BTAF1: variants seen among roughly 807,000 people sequenced by gnomAD.
BTAF1 encodes TATA-binding protein-associated factor 172.
In BTAF1, 38 loss-of-function variants were observed where a neutral mutation model predicts 227.1. The ratio of observed to expected loss-of-function variants is 0.17; its 90% CI spans 0.13 to 0.22. The LOEUF is 0.22. Ranked by LOEUF, BTAF1 falls within the 10% of genes least tolerant of loss-of-function variation. BTAF1 has a pLI of 1.00. For synonymous variants in BTAF1, 742 were observed against 751.9 expected (o/e 0.99, Z 0.21); for missense variants, 1,598 against 2,204.0 (o/e 0.73, Z 5.51).
chr10:91,975,039 A>C (rs1452848229), intron 14 of BTAF1, among the ~76,000 whole-genome samples: 2 of 152,168 alleles, frequency 1.3e-5, no homozygotes, highest in Non-Finnish European at 2.9e-5. Context: ...TATATCTATC[A>C]GTGAACTACT....
chr10:91,989,874 T>C (rs1408594205), intron 20 of BTAF1, among the ~76,000 whole-genome samples: 6 of 152,326 alleles, frequency 3.9e-5, no homozygotes, highest in Admixed American at 3.9e-4. Flanking sequence ...AAAACCATCA[T>C]TATATGGTTT....
At chr10:91,987,503 A>C (rs2792026) in intron 19 of BTAF1, among the ~76,000 whole-genome samples, 3 of 151,804 alleles carry the variant, frequency 2.0e-5, no homozygotes, top group Non-Finnish European at 2.9e-5. Flanking sequence ...AGAAAGTCTC[A>C]TGTTTAATCT....
At chr10:91,954,246 G>T (rs1400682596) in intron 6 of BTAF1, among the ~76,000 whole-genome samples, 2 of 152,152 alleles carry the variant, frequency 1.3e-5, no homozygotes, top group African/African-American at 4.8e-5. Context: ...GATAGAGAAT[G>T]AAATCAGAGA....
chr10:91,991,799 A>G (rs1330818938), intron 20 of BTAF1, among the ~76,000 whole-genome samples: 65 of 5,108 alleles, frequency 0.013, no homozygotes, highest in Middle Eastern at 0.17. Context: ...GTGTGTGTGT[A>G]TATATATATA....
At chr10:91,925,968 G>A (rs886647348) in intron 1 of BTAF1, among the ~76,000 whole-genome samples, 2 of 152,082 alleles carry the variant, frequency 1.3e-5, no homozygotes, top group African/African-American at 4.8e-5. Context: ...AGCCTGTCAT[G>A]TTTTTATGGA....
At position 92,029,255 on chromosome 10, in the gene BTAF1, A is replaced by G. The variant is rs898034330; in HGVS notation, c.*322A>G. 1 of 182,064 alleles carries G rather than the reference A, an allele frequency of 5.5e-6. No individual in the cohort carries two copies. Among genetic ancestry groups the G allele is most frequent in the Admixed American group, 6.2e-5 (1 of 16,138 alleles). 11.3% of individuals were successfully genotyped at this position (182,064 alleles called of 1,614,324 possible). A position where few individuals can be genotyped will look rare whatever the true frequency, so the allele number is the denominator to read the frequency against. On this transcript the variant is annotated 3_prime_UTR_variant, in exon 38 of 38. Transcript: ENST00000265990. ...GGCCTCCTATCTTTAGTCACTTTGTACAGGATGATATCCATGAGTACTTTA... is the reference window on the plus strand; with the variant it reads ...GGCCTCCTATCTTTAGTCACTTTGTGCAGGATGATATCCATGAGTACTTTA...
At chr10:91,942,314 G>GTGTGTT in intron 3 of BTAF1, 108 bp from the exon 4 acceptor site, 1 of 822,920 alleles carries the variant, frequency 1.2e-6, no homozygotes, top group South Asian at 1.7e-5. Flanking sequence ...GTGTGTGTGT[G>GTGTGTT]TGTGTGTGTG....
At chr10:91,926,263 A>G (rs1843821677) in intron 1 of BTAF1, among the ~76,000 whole-genome samples, 1 of 152,256 alleles carries the variant, frequency 6.6e-6, no homozygotes, top group Non-Finnish European at 1.5e-5. Flanking sequence ...TGCTAAAATC[A>G]AATCTAAAAT....
chr10:92,009,564 A>AG (rs1436855979), intron 28 of BTAF1, among the ~76,000 whole-genome samples: 4 of 152,168 alleles, frequency 2.6e-5, no homozygotes, highest in African/African-American at 9.7e-5. Context: ...AGCCATGTGC[A>AG]GGGGAATATT....
chr10:92,009,942 C>T (rs1392198509), intron 28 of BTAF1, among the ~76,000 whole-genome samples: 3 of 152,164 alleles, frequency 2.0e-5, no homozygotes, highest in Admixed American at 2.0e-4. Flanking sequence ...ATTTGCTGTA[C>T]TCCTGTGTTA....
chr10:91,993,736 G>A lies in BTAF1; in HGVS notation c.3088G>A (p.Ala1030Thr). 6.3e-7 allele frequency: 1 copy of A among 1,592,608 alleles called. No individual in the cohort carries two copies. The highest frequency in any genetic ancestry group is 8.6e-7 in the Non-Finnish European group (1 of 1,167,170). ...GGTACAACGGAGAGGAGCTGAATTT[G>A]CTTTGACAACTATAGTAAAGCATTT... Reference protein sequence around the residue: ...YLVQRRGAEFALTTIVKHFGG... With the variant: ...YLVQRRGAEFTLTTIVKHFGG... The change falls in exon 22 of 38, where the codon GCT becomes ACT. Residue 1030 changes from alanine (A) to threonine (T), a missense_variant. Transcript: ENST00000265990.
In BTAF1 at chr10:92,009,193, C is replaced by A; in HGVS notation, c.4088C>A (p.Pro1363His). The change falls in exon 28 of 38, where the codon CCC (proline) becomes CAC (histidine). Residue 1363 changes from proline (P) to histidine (H), a missense_variant. By Grantham distance (77) the Pro-to-His change is moderately conservative. Transcript: ENST00000265990. ...AACCCGTTGCATTACACTGGACCTCCCACTGAAAGAATAAGGTAAGAGTTG... is the reference window on the plus strand; with the variant it reads ...AACCCGTTGCATTACACTGGACCTCACACTGAAAGAATAAGGTAAGAGTTG... ...YLNPLHYTGP[P>H]TERIRLQHQV... 1 of 1,613,738 alleles carries A rather than the reference C, an allele frequency of 6.2e-7. No individual in the cohort carries two copies. Among genetic ancestry groups the A allele is most frequent in the South Asian group, 1.1e-5 (1 of 90,986 alleles).
At chr10:91,931,846 A>G (rs1298821847) in intron 1 of BTAF1, among the ~76,000 whole-genome samples, 1 of 152,202 alleles carries the variant, frequency 6.6e-6, no homozygotes, top group Admixed American at 6.5e-5. Context: ...TGAAGAGAGG[A>G]ATGGAGAACT....
chr10:91,982,381 T>G, intron 17 of BTAF1, 156 bp downstream of exon 17: 1 of 1,072,940 alleles, frequency 9.3e-7, no homozygotes, highest in Non-Finnish European at 1.3e-6. Flanking sequence ...AAGCAAATAC[T>G]TCTAATTATT....
intron 4 of BTAF1, among the ~76,000 whole-genome samples, chr10:91,950,181 A>G (rs1426172601): frequency 7.0e-6 from 1 of 143,500 alleles, no homozygotes; most frequent in Non-Finnish European, 1.5e-5. Context: ...TAGGTTTTTA[A>G]TTCAGATTTT....
At chr10:91,947,888 C>CT (rs1589779154) in intron 4 of BTAF1, among the ~76,000 whole-genome samples, 1 of 151,762 alleles carries the variant, frequency 6.6e-6, no homozygotes, top group East Asian at 1.9e-4. Context: ...TCATTTTATA[C>CT]TTGACAGAAT....
Position 91,984,203 on chromosome 10 carries a change from G to A in BTAF1, c.2226G>A (p.Glu742=). 3 of 1,613,368 alleles carry A rather than the reference G, an allele frequency of 1.9e-6. No individual in the cohort carries two copies. Among genetic ancestry groups the A allele is most frequent in the African/African-American group, 1.3e-5 (1 of 75,008 alleles). ...ATTTGTTTTCTGTTGTATTTTAGGA[G>A]TGTAAAGCTGTTACCTTAGCTGTGC... is the stretch of plus-strand genomic sequence containing the variant. ...VICEWAALQK[E]CKAVTLAVQP... Residue 742 remains glutamate (E), a splice_region_variant and synonymous_variant, in exon 19 of 38, where the codon GAG becomes GAA. Coordinates refer to ENST00000265990, the MANE Select transcript of BTAF1 (RefSeq NM_003972.3).
chr10:92,009,759 C>T (rs553116164), intron 28 of BTAF1, among the ~76,000 whole-genome samples: 6 of 152,240 alleles, frequency 3.9e-5, no homozygotes, highest in Non-Finnish European at 7.4e-5. Context: ...CTTTAGCTGC[C>T]GCTGCAGTCA....
chr10:92,006,901 A>G (rs1207924346), intron 25 of BTAF1, among the ~76,000 whole-genome samples: 2 of 152,306 alleles, frequency 1.3e-5, no homozygotes, highest in East Asian at 3.9e-4. Context: ...TCCAAGTTTA[A>G]TACCCATAAA....
Sources: allele counts gnomAD v4.1 joint callset (sites outside exome capture counted in the v4.1 genomes callset), GRCh38; gene constraint gnomAD v4.1.1; transcripts MANE v1.5; gene names NCBI Gene and HGNC (gene_info 2026-07-23, HGNC 2026-07-21).